Variants in MBNL2 observed in about 807,000 individuals in gnomAD.
MBNL2 encodes muscleblind like splicing regulator 2.
Under a neutral mutation model 41.9 loss-of-function variants are expected in MBNL2, and 17 were observed. The observed-to-expected ratio is 0.41, with a 90% CI of 0.28 to 0.61. The LOEUF (loss-of-function observed/expected upper bound fraction) is 0.61, where lower values mean the gene tolerates loss of function less well. MBNL2 is among the 20% of genes least tolerant of loss of function. The pLI is 0.35. For missense variants in MBNL2, 336 were observed against 505.6 expected, an observed-to-expected ratio of 0.66 and a Z score of 3.22; for synonymous variants, 195 against 182.9, an observed-to-expected ratio of 1.07 and a Z score of -0.53.
chr13:97,211,857 G>A, the MBNL2 span, among the ~76,000 whole-genome samples: 3 of 152,162 alleles, frequency 2.0e-5, no homozygotes, highest in Admixed American at 1.3e-4. Flanking sequence ...AACATTTTAC[G>A]TAAGTTTGAA....
upstream of MBNL2, among the ~76,000 whole-genome samples, chr13:97,216,980 A>G (rs957708694): frequency 2.0e-5 from 3 of 148,814 alleles, no homozygotes; most frequent in African/African-American, 7.3e-5. Context: ...TATACATAAT[A>G]CATAATATAT....
chr13:97,313,099 T>C (rs1300446875), intron 2 of MBNL2, among the ~76,000 whole-genome samples: 1 of 152,020 alleles, frequency 6.6e-6, no homozygotes, highest in Non-Finnish European at 1.5e-5. Context: ...AAATTGCAAA[T>C]AGATAGGCCA....
upstream of MBNL2, chr13:97,221,662 A>G (rs1232006173): frequency 6.6e-6 from 1 of 152,190 alleles, no homozygotes; most frequent in Non-Finnish European, 1.5e-5. Flanking sequence ...TAGTGTATAG[A>G]TATCAATTTT....
intron 5 of MBNL2, 42 bp downstream of exon 5, chr13:97,347,109 G>A (rs1343999914): frequency 7.0e-7 from 1 of 1,437,090 alleles, no homozygotes; most frequent in African/African-American, 1.5e-5. Flanking sequence ...CGGCGCCTCT[G>A]CGGAGGCCGC....
At chr13:97,209,322 A>T in the MBNL2 span, among the ~76,000 whole-genome samples, 1,124 of 152,240 alleles carry the variant, frequency 7.4e-3, 13 homozygotes, top group African/African-American at 0.025. Context: ...GACTGTGAGT[A>T]TTTGCCCCAC....
At chr13:97,156,703 T>G in the MBNL2 span, among the ~76,000 whole-genome samples, 1 of 148,544 alleles carries the variant, frequency 6.7e-6, no homozygotes, top group Admixed American at 6.7e-5. Context: ...ATCAGATAGT[T>G]GTAGATATGC....
chr13:97,237,396 A>G (rs1250591956), intron 1 of MBNL2, among the ~76,000 whole-genome samples: 1 of 152,234 alleles, frequency 6.6e-6, no homozygotes, highest in African/African-American at 2.4e-5. Context: ...GAAATGTATG[A>G]AAGATAGTGG....
At chr13:97,256,655 T>C (rs1041065491) in intron 1 of MBNL2, among the ~76,000 whole-genome samples, 16 of 152,082 alleles carry the variant, frequency 1.1e-4, no homozygotes, top group African/African-American at 3.9e-4. Context: ...CTTATACGAG[T>C]GTTCTGTTTT....
At chr13:97,257,048 A>G (rs984874570) in intron 1 of MBNL2, among the ~76,000 whole-genome samples, 5 of 152,168 alleles carry the variant, frequency 3.3e-5, no homozygotes, top group African/African-American at 9.7e-5. Flanking sequence ...TGCATGGCCA[A>G]TTTGCTTTTT....
chr13:97,198,476 A>T, the MBNL2 span, among the ~76,000 whole-genome samples: 82 of 149,532 alleles, frequency 5.5e-4, no homozygotes, highest in African/African-American at 1.9e-3. Flanking sequence ...CAGGGTATAT[A>T]ATAAATCTTT....
the MBNL2 span, among the ~76,000 whole-genome samples, chr13:97,167,561 C>A: frequency 2.0e-5 from 3 of 152,176 alleles, no homozygotes; most frequent in Admixed American, 2.0e-4. Flanking sequence ...AAATTAACCT[C>A]AAATTGGACT....
At chr13:97,276,467 G>C (rs2052149803) in intron 2 of MBNL2, 58 bp downstream of exon 2, 3 of 1,440,428 alleles carry the variant, frequency 2.1e-6, no homozygotes, top group Non-Finnish European at 2.9e-6. Context: ...CAAACAGAAG[G>C]CTTTTCATTG....
At chr13:97,256,346 T>A (rs898029601) in intron 1 of MBNL2, among the ~76,000 whole-genome samples, 2 of 150,950 alleles carry the variant, frequency 1.3e-5, no homozygotes, top group Non-Finnish European at 2.9e-5. Flanking sequence ...GGATTTTTTT[T>A]AATCAATTTT....
chr13:97,248,549 C>T (rs376439101), intron 1 of MBNL2, among the ~76,000 whole-genome samples: 1 of 152,198 alleles, frequency 6.6e-6, no homozygotes, highest in East Asian at 1.9e-4. Flanking sequence ...CATATTTCAC[C>T]CCAGACCTGA....
chr13:97,327,574 A>AAAAC (rs1311035327), intron 2 of MBNL2, among the ~76,000 whole-genome samples: 1 of 151,248 alleles, frequency 6.6e-6, no homozygotes, highest in Non-Finnish European at 1.5e-5. Flanking sequence ...AAAAAAAAAA[A>AAAAC]AAAAAAAAAG....
chr13:97,335,914 C>T (rs1376206078), intron 3 of MBNL2, among the ~76,000 whole-genome samples: 1 of 152,098 alleles, frequency 6.6e-6, no homozygotes, highest in Admixed American at 6.5e-5. Flanking sequence ...ATTAAATTAC[C>T]TAAATGCTAA....
Position 97,232,851 on chromosome 13 carries a change from ATGTGTGTG to A in MBNL2, c.-605+10353_-605+10360del, listed in dbSNP as rs34769353. On this transcript the variant is annotated intron_variant, in intron 1 of 8. Coordinates refer to ENST00000679496, the MANE Select transcript of MBNL2 (RefSeq NM_001382683.1). ...CGGCCTTTTTCTTACTCTTGACGCTATGTGTGTGTGTGTGTGTGTGTGTGTGTGTGTGT... is the reference window on the plus strand; with the variant it reads ...CGGCCTTTTTCTTACTCTTGACGCTATGTGTGTGTGTGTGTGTGTGTGTGT... Among the ~76,000 whole-genome samples the A allele has an allele frequency of 3.3e-3, 433 of 130,576 alleles. 3 individuals carry two copies. Among genetic ancestry groups the A allele is most frequent in the African/African-American group, 7.5e-3 (249 of 33,112 alleles). The allele number at this position is 130,576 out of a possible 152,430, so 85.7% of individuals were successfully genotyped here. A position where few individuals can be genotyped will look rare whatever the true frequency, so the allele number is the denominator to read the frequency against.
chr13:97,158,444 A>G, the MBNL2 span, among the ~76,000 whole-genome samples: 1 of 151,866 alleles, frequency 6.6e-6, no homozygotes, highest in African/African-American at 2.4e-5. Context: ...CTAGCTTTTG[A>G]ATGTGTTTGC....
At chr13:97,384,306 T>A (rs547243853) in intron 8 of MBNL2, among the ~76,000 whole-genome samples, 2 of 152,356 alleles carry the variant, frequency 1.3e-5, no homozygotes, top group South Asian at 4.1e-4. Flanking sequence ...TTTTATCTGA[T>A]ACCATATATT....
Sources: gnomAD v4.1 joint callset for allele counts (sites outside exome capture counted in the v4.1 genomes callset) on GRCh38, gnomAD v4.1.1 for gene constraint, MANE v1.5 for transcripts, NCBI Gene and HGNC (gene_info 2026-07-23, HGNC 2026-07-21) for gene names.